Variants in NAA15 observed in about 807,000 individuals in gnomAD.
The protein encoded by NAA15 is N-alpha-acetyltransferase 15, NatA auxiliary subunit.
A neutral mutation model predicts 114.0 loss-of-function variants in NAA15; 34 were observed. That is an observed-to-expected ratio of 0.30 (90% CI 0.23 to 0.40). NAA15 has a LOEUF of 0.40. NAA15 is among the 10% of genes least tolerant of loss of function. NAA15 has a pLI of 1.00. For missense variants in NAA15, 658 were observed against 1,004.5 expected, an observed-to-expected ratio of 0.66 and a Z score of 4.66; for synonymous variants, 340 against 338.0, an observed-to-expected ratio of 1.01 and a Z score of -0.06.
At chr4:139,338,791 A>C (rs953280877) in intron 3 of NAA15, among the ~76,000 whole-genome samples, 2 of 150,608 alleles carry the variant, frequency 1.3e-5, no homozygotes, top group African/African-American at 4.9e-5. Flanking sequence ...CTCTGGCCTA[A>C]AAGTTGTTAG....
intron 15 of NAA15, 91 bp downstream of exon 15, chr4:139,370,495 TTATGTGA>T (rs1249125116): frequency 6.4e-6 from 8 of 1,243,226 alleles, no homozygotes; most frequent in Non-Finnish European, 8.5e-6. Flanking sequence ...GTATATAACC[TTATGTGA>T]TATAGGTTTT....
chr4:139,325,406 A>G (rs1746763705), intron 1 of NAA15, among the ~76,000 whole-genome samples: 1 of 152,314 alleles, frequency 6.6e-6, no homozygotes, highest in African/African-American at 2.4e-5. Context: ...CTAGTTAGGT[A>G]TGTAATCTGG....
chr4:139,382,109 G>C (rs1748770496), intron 17 of NAA15, among the ~76,000 whole-genome samples: 1 of 152,086 alleles, frequency 6.6e-6, no homozygotes, highest in Non-Finnish European at 1.5e-5. Flanking sequence ...GATAATCTGT[G>C]ACATATGATG....
intron 1 of NAA15, among the ~76,000 whole-genome samples, chr4:139,305,218 C>T (rs1411435876): frequency 1.3e-5 from 2 of 152,104 alleles, no homozygotes; most frequent in Non-Finnish European, 2.9e-5. Flanking sequence ...GGGCAAAAAC[C>T]TGTAAGTTTA....
chr4:139,346,260 A>C (rs890286254), intron 6 of NAA15, among the ~76,000 whole-genome samples: 1 of 152,036 alleles, frequency 6.6e-6, no homozygotes, highest in African/African-American at 2.4e-5. Context: ...TGTAATGCAT[A>C]TTTTGGAGTT....
intron 1 of NAA15, among the ~76,000 whole-genome samples, chr4:139,328,363 C>T (rs1037707880): frequency 2.0e-5 from 3 of 151,726 alleles, no homozygotes; most frequent in Admixed American, 6.6e-5. Context: ...TCCGCCACCA[C>T]GCCTGGCTAA....
intron 1 of NAA15, among the ~76,000 whole-genome samples, chr4:139,314,920 C>T (rs981785621): frequency 2.0e-5 from 3 of 151,768 alleles, no homozygotes; most frequent in Non-Finnish European, 4.4e-5. Flanking sequence ...TTGTGATCCG[C>T]CTGCCTCGGC....
intron 4 of NAA15, among the ~76,000 whole-genome samples, chr4:139,341,593 C>CAAAAAAAAAAAAAAAAAAA (rs751688160): frequency 6.9e-5 from 1 of 14,426 alleles, no homozygotes; most frequent in Non-Finnish European, 1.3e-4. Context: ...AACTCTGTCT[C>CAAAAAAAAAAAAAAAAAAA]AAAAAAAAAA....
intron 17 of NAA15, among the ~76,000 whole-genome samples, chr4:139,382,206 T>A (rs930261422): frequency 2.6e-5 from 4 of 152,116 alleles, no homozygotes; most frequent in Non-Finnish European, 5.9e-5. Flanking sequence ...AGAATTTTTT[T>A]ATCCTTTTTG....
In NAA15 at chr4:139,370,396, C is replaced by T. The variant is rs1560977882; in HGVS notation, c.1939C>T (p.Leu647=). ...AAAAGAAGAACTTATTCCAGAGAAACTGGCCAAGGTACTTAATAATAGTGT... is the reference window on the plus strand; with the variant it reads ...AAAAGAAGAACTTATTCCAGAGAAATTGGCCAAGGTACTTAATAATAGTGT... ...GPKEELIPEK[L]AKVETPLEEA... Residue 647 remains leucine (L), a synonymous_variant, in exon 15 of 20, where the codon CTG becomes TTG. Transcript: ENST00000296543. The T allele has an allele frequency of 6.3e-7, 1 of 1,574,960 alleles. No homozygotes were observed. Among genetic ancestry groups the T allele is most frequent in the Non-Finnish European group, 8.6e-7 (1 of 1,169,300 alleles).
At chr4:139,338,237 T>G (rs1242132202) in intron 3 of NAA15, among the ~76,000 whole-genome samples, 1 of 152,160 alleles carries the variant, frequency 6.6e-6, no homozygotes, top group Non-Finnish European at 1.5e-5. Flanking sequence ...GAGCTAGATT[T>G]TAATGGGTAG....
intron 14 of NAA15, among the ~76,000 whole-genome samples, chr4:139,365,698 C>A (rs1453471975): frequency 6.6e-6 from 1 of 151,764 alleles, no homozygotes; most frequent in Non-Finnish European, 1.5e-5. Flanking sequence ...CCCAACCAAC[C>A]AAACAAAATA....
chr4:139,329,882 G>T (rs1026907434), intron 1 of NAA15, among the ~76,000 whole-genome samples: 7 of 152,158 alleles, frequency 4.6e-5, no homozygotes, highest in South Asian at 2.1e-4. Flanking sequence ...CCTGTAGTTT[G>T]CTTGGGATCC....
chr4:139,344,704 G>A (rs887439116), intron 6 of NAA15, among the ~76,000 whole-genome samples: 2 of 152,160 alleles, frequency 1.3e-5, no homozygotes, highest in Non-Finnish European at 2.9e-5. Context: ...AAACTATAGT[G>A]TATGTAGTAT....
At chr4:139,351,656 T>C (rs752834896) in intron 9 of NAA15, 45 bp downstream of exon 9, 10 of 1,017,564 alleles carry the variant, frequency 9.8e-6, no homozygotes, top group Non-Finnish European at 1.6e-5. Flanking sequence ...ATTTCTTTGC[T>C]CGGTATTTGG....
chr4:139,318,752 G>T (rs566903874), intron 1 of NAA15, among the ~76,000 whole-genome samples: 3 of 152,036 alleles, frequency 2.0e-5, no homozygotes, highest in Non-Finnish European at 4.4e-5. Context: ...TACTTGGGAG[G>T]CTGAGGCAAG....
intron 14 of NAA15, among the ~76,000 whole-genome samples, chr4:139,365,383 A>T (rs559184346): frequency 6.6e-6 from 1 of 152,214 alleles, no homozygotes; most frequent in Non-Finnish European, 1.5e-5. Context: ...AGCATAGAAG[A>T]AGCCTAGACT....
chr4:139,349,893 C>A (rs952273663), intron 7 of NAA15, among the ~76,000 whole-genome samples: 2 of 151,572 alleles, frequency 1.3e-5, no homozygotes, highest in Non-Finnish European at 2.9e-5. Context: ...GGCTGAGGCA[C>A]GAGAATTGCT....
chr4:139,370,801 C>T (rs185591413), intron 15 of NAA15, among the ~76,000 whole-genome samples: 1 of 152,298 alleles, frequency 6.6e-6, no homozygotes, highest in African/African-American at 2.4e-5. Context: ...ATATGTAAAG[C>T]ATCTAATGTC....
Sources: gnomAD v4.1 joint callset for allele counts (sites outside exome capture counted in the v4.1 genomes callset) on GRCh38, gnomAD v4.1.1 for gene constraint, MANE v1.5 for transcripts, NCBI Gene and HGNC (gene_info 2026-07-23, HGNC 2026-07-21) for gene names.